EPC2: variants seen among roughly 807,000 people sequenced by gnomAD.
EPC2 encodes enhancer of polycomb homolog 2.
Under a neutral mutation model 92.1 loss-of-function variants are expected in EPC2, and 14 were observed. The ratio of observed to expected loss-of-function variants is 0.15; its 90% CI spans 0.10 to 0.24. EPC2 has a LOEUF of 0.24. Ranked by LOEUF, EPC2 falls within the 10% of genes least tolerant of loss-of-function variation. EPC2 has a pLI of 1.00. For synonymous variants in EPC2, 340 were observed against 334.7 expected (o/e 1.02, Z -0.17); for missense variants, 755 against 971.5 (o/e 0.78, Z 2.96).
At chr2:148,766,911 T>C (rs1558834557) in intron 7 of EPC2, among the ~76,000 whole-genome samples, 1 of 152,148 alleles carries the variant, frequency 6.6e-6, no homozygotes, top group Non-Finnish European at 1.5e-5. Flanking sequence ...AGACTGGACA[T>C]TGTGGCTCAT....
chr2:148,706,893 C>A (rs1291351238), intron 2 of EPC2, among the ~76,000 whole-genome samples: 1 of 152,222 alleles, frequency 6.6e-6, no homozygotes, highest in South Asian at 2.1e-4. Context: ...ACTGCAAAAA[C>A]ATGCCAAATT....
intron 2 of EPC2, among the ~76,000 whole-genome samples, chr2:148,737,613 G>A: frequency 6.6e-6 from 1 of 152,200 alleles, no homozygotes; most frequent in East Asian, 1.9e-4. Flanking sequence ...AGCAACGTTT[G>A]TAGGTCAAAC....
intron 1 of EPC2, among the ~76,000 whole-genome samples, chr2:148,675,464 T>C (rs1681244535): frequency 6.6e-6 from 1 of 152,218 alleles, no homozygotes; most frequent in Admixed American, 6.5e-5. Context: ...GATAATTGAA[T>C]AGATTTATTA....
Position 148,706,825 on chromosome 2 carries a change from C to T in EPC2, c.313+16452C>T, listed in dbSNP as rs1682009429. Reference sequence around the variant, plus strand: ...GAGATTTTTGTCACCACCAGGCTTGCCGTACAAGAGCTCCTGAAGGAAGCA... The same window carrying T: ...GAGATTTTTGTCACCACCAGGCTTGTCGTACAAGAGCTCCTGAAGGAAGCA... On this transcript the variant is annotated intron_variant, in intron 2 of 13. Coordinates refer to ENST00000258484, the MANE Select transcript of EPC2 (RefSeq NM_015630.4). Among the ~76,000 whole-genome samples the T allele has an allele frequency of 3.3e-5, 5 of 152,076 alleles. No individual in the cohort carries two copies. The South Asian group carries it at 8.3e-4, about 25-fold the overall frequency.
intron 2 of EPC2, among the ~76,000 whole-genome samples, chr2:148,693,517 A>T (rs1040050806): frequency 6.6e-6 from 1 of 152,112 alleles, no homozygotes; most frequent in African/African-American, 2.4e-5. Flanking sequence ...ATGTTTCCCT[A>T]TGTGTTCTTC....
At chr2:148,750,990 C>T (rs1215390001) in intron 3 of EPC2, among the ~76,000 whole-genome samples, 3 of 152,020 alleles carry the variant, frequency 2.0e-5, no homozygotes, top group Non-Finnish European at 4.4e-5. Flanking sequence ...ATGCTCAGTT[C>T]CAAAGTTTTC....
intron 2 of EPC2, among the ~76,000 whole-genome samples, chr2:148,705,734 C>T (rs1344008848): frequency 6.6e-6 from 1 of 152,170 alleles, no homozygotes; most frequent in Non-Finnish European, 1.5e-5. Context: ...CCAGCAAACT[C>T]CAACAGACCT....
chr2:148,667,728 G>T (rs1042279135), intron 1 of EPC2, among the ~76,000 whole-genome samples: 1 of 152,180 alleles, frequency 6.6e-6, no homozygotes, highest in African/African-American at 2.4e-5. Context: ...GAGAAAAATA[G>T]TATTTCACTT....
chr2:148,689,583 G>C (rs1681603053), intron 1 of EPC2, among the ~76,000 whole-genome samples: 2 of 152,010 alleles, frequency 1.3e-5, no homozygotes. Context: ...CTGTTTTATT[G>C]GGAATGGGCC....
intron 1 of EPC2, among the ~76,000 whole-genome samples, chr2:148,667,505 T>C (rs1054172907): frequency 7.2e-5 from 11 of 152,306 alleles, no homozygotes; most frequent in Non-Finnish European, 1.5e-4. Context: ...AACTCACTTA[T>C]TCTAGTAGTT....
intron 2 of EPC2, among the ~76,000 whole-genome samples, chr2:148,722,759 C>T (rs749859754): frequency 3.3e-5 from 5 of 152,144 alleles, no homozygotes; most frequent in Admixed American, 6.5e-5. Flanking sequence ...GCAGCAAAGA[C>T]GTGGAGTCAA....
chr2:148,704,167 T>C (rs1035785730), intron 2 of EPC2, among the ~76,000 whole-genome samples: 1 of 152,214 alleles, frequency 6.6e-6, no homozygotes, highest in African/African-American at 2.4e-5. Flanking sequence ...ACTGGATGAA[T>C]GGGTAAGCAA....
chr2:148,671,964 A>G (rs1380598132), intron 1 of EPC2, among the ~76,000 whole-genome samples: 1 of 152,096 alleles, frequency 6.6e-6, no homozygotes, highest in Non-Finnish European at 1.5e-5. Flanking sequence ...ATATGCCTGA[A>G]TATGTATGGG....
chr2:148,719,524 C>T (rs1682325564), intron 2 of EPC2, among the ~76,000 whole-genome samples: 1 of 152,188 alleles, frequency 6.6e-6, no homozygotes, highest in Admixed American at 6.5e-5. Context: ...CTCCAAACCC[C>T]AGTTGCTCTG....
At chr2:148,698,633 C>CAAAAAAAAA (rs36045036) in intron 2 of EPC2, among the ~76,000 whole-genome samples, 2 of 57,016 alleles carry the variant, frequency 3.5e-5, no homozygotes, top group South Asian at 1.2e-3. Flanking sequence ...GACTCCATCT[C>CAAAAAAAAA]AAAAAAAAAA....
rs183235776 is a variant in EPC2, at chr2:148,717,880, A to C, written c.314-25742A>C. Among the ~76,000 whole-genome samples, 8 of 152,292 alleles carry C rather than the reference A, an allele frequency of 5.3e-5. No homozygotes were observed. In the East Asian group the frequency reaches 1.5e-3, roughly 29 times the overall value. ...TCCCACTATTATTGTGTGGGAGTCTAAGTCTCATTGAAGGTCTCTAAGAAC... is the reference window on the plus strand; with the variant it reads ...TCCCACTATTATTGTGTGGGAGTCTCAGTCTCATTGAAGGTCTCTAAGAAC... On this transcript the variant is annotated intron_variant, in intron 2 of 13. Transcript: ENST00000258484.
Position 148,765,136 on chromosome 2 carries a change from A to T in EPC2, c.1130A>T (p.Glu377Val), listed in dbSNP as rs1683384914. ...QYDFHSSDED[E>V]FPQVLSPVSE... ...GATTTTCACAGCTCAGATGAAGATGAATTTCCACAGGTGCTTGTTTTAAAA... is the reference window on the plus strand; with the variant it reads ...GATTTTCACAGCTCAGATGAAGATGTATTTCCACAGGTGCTTGTTTTAAAA... The change falls in exon 7 of 14, where the codon GAA (glutamate) becomes GTA (valine). Residue 377 changes from glutamate (E) to valine (V), a missense_variant. Physicochemically the swap from Glu to Val is moderately radical, Grantham distance 121. Coordinates refer to ENST00000258484, the MANE Select transcript of EPC2 (RefSeq NM_015630.4). 1 of 1,550,104 alleles carries T rather than the reference A, an allele frequency of 6.5e-7. No individual in the cohort carries two copies. Among genetic ancestry groups the T allele is most frequent in the Non-Finnish European group, 8.7e-7 (1 of 1,149,416 alleles).
At chr2:148,700,957 G>A (rs545074486) in intron 2 of EPC2, among the ~76,000 whole-genome samples, 2 of 152,038 alleles carry the variant, frequency 1.3e-5, no homozygotes, top group African/African-American at 2.4e-5. Context: ...AGACTTTTGC[G>A]ATTTTCCTCA....
Position 148,761,776 on chromosome 2 carries a change from T to C in EPC2, c.667-6T>C. The C allele has an allele frequency of 2.0e-6, 3 of 1,473,696 alleles. No homozygotes were observed. The South Asian group carries it at 4.2e-5, about 20-fold the overall frequency. 91.3% of individuals were successfully genotyped at this position (1,473,696 alleles called of 1,614,324 possible). ...TTTATTCTTCTAAAATTATTATTTT[T>C]AATAGAATCGTAAGAATGATGAAGC... On this transcript the variant is annotated splice_polypyrimidine_tract_variant and splice_region_variant and intron_variant, in intron 4 of 13. Coordinates refer to ENST00000258484, the MANE Select transcript of EPC2 (RefSeq NM_015630.4).
Sources: allele counts gnomAD v4.1 joint callset (sites outside exome capture counted in the v4.1 genomes callset), GRCh38; gene constraint gnomAD v4.1.1; transcripts MANE v1.5; gene names NCBI Gene and HGNC (gene_info 2026-07-23, HGNC 2026-07-21).